The following REV3L variants were observed in gnomAD, a reference collection of about 807,000 sequenced individuals.
REV3L encodes the protein REV3 like, DNA directed polymerase zeta catalytic subunit.
A neutral mutation model predicts 299.4 loss-of-function variants in REV3L; 69 were observed. That is an observed-to-expected ratio of 0.23 (90% CI 0.19 to 0.28). REV3L has a LOEUF of 0.28. Ranked by LOEUF, REV3L falls within the 10% of genes least tolerant of loss-of-function variation. The pLI is 1.00. For missense variants in REV3L, 3,128 were observed against 3,693.8 expected, an observed-to-expected ratio of 0.85 and a Z score of 3.97; for synonymous variants, 1,238 against 1,271.4, an observed-to-expected ratio of 0.97 and a Z score of 0.56.
At chr6:111,301,093 C>T (rs1449928887) in intron 31 of REV3L, among the ~76,000 whole-genome samples, 2 of 151,932 alleles carry the variant, frequency 1.3e-5, no homozygotes, top group Non-Finnish European at 2.9e-5. Flanking sequence ...AATGGCCACT[C>T]TGGGAGTGTC....
chr6:111,333,046 G>C, intron 23 of REV3L, 77 bp downstream of exon 23: 1 of 1,538,804 alleles, frequency 6.5e-7, no homozygotes, highest in Non-Finnish European at 8.8e-7. Flanking sequence ...AGAGCAAAGA[G>C]ACACTCAGAA....
Position 111,374,398 on chromosome 6 carries a change from A to C in REV3L, c.3957T>G (p.His1319Gln). 1 of 1,614,002 alleles carries C rather than the reference A, an allele frequency of 6.2e-7. No homozygotes were observed. The highest frequency in any genetic ancestry group is 8.5e-7 in the Non-Finnish European group (1 of 1,179,916). ...QTFPSSRDDLHPSVVCNSIGP... is the reference protein window; with the variant it reads ...QTFPSSRDDLQPSVVCNSIGP... ...CTATAGAATTACAAACAACTGATGG[A>C]TGCAAATCATCTCGTGAACTGGGGA... is the stretch of plus-strand genomic sequence containing the variant. The change falls in exon 13 of 32, where the codon CAT becomes CAG. Residue 1319 changes from histidine to glutamine, a missense_variant. His to Gln is a conservative substitution (Grantham distance 24). This residue lies in a region of REV3L where 2,409 missense variants were observed against 2,611.8 expected (regional missense o/e 0.92). Transcript: ENST00000368802.
At chr6:111,407,368 A>G (rs1047151959) in intron 3 of REV3L, among the ~76,000 whole-genome samples, 9 of 152,220 alleles carry the variant, frequency 5.9e-5, no homozygotes, top group African/African-American at 1.9e-4. Context: ...GTAAAGATGA[A>G]AGTCTAAGGC....
At chr6:111,480,384 G>C (rs1279873509) in intron 1 of REV3L, among the ~76,000 whole-genome samples, 1 of 152,040 alleles carries the variant, frequency 6.6e-6, no homozygotes, top group African/African-American at 2.4e-5. Flanking sequence ...CTAGCATTCA[G>C]AGTTTTACTA....
At chr6:111,364,165 G>T (rs780048994) in intron 15 of REV3L, among the ~76,000 whole-genome samples, 187 bp from the exon 16 acceptor site, 2 of 152,084 alleles carry the variant, frequency 1.3e-5, no homozygotes, top group Admixed American at 6.6e-5. Context: ...AAAGATATCA[G>T]AACTGGATAC....
intron 13 of REV3L, among the ~76,000 whole-genome samples, chr6:111,371,860 G>C (rs1435749339): frequency 6.6e-6 from 1 of 151,630 alleles, no homozygotes; most frequent in Admixed American, 6.6e-5. Flanking sequence ...CACTGTGCCC[G>C]GCCTAATTTT....
chr6:111,439,424 C>T (rs1455191379), intron 1 of REV3L, among the ~76,000 whole-genome samples: 1 of 152,130 alleles, frequency 6.6e-6, no homozygotes, highest in Non-Finnish European at 1.5e-5. Context: ...CAGAAGTAGA[C>T]AACAACCAAT....
intron 28 of REV3L, chr6:111,313,026 T>G (rs1034048568): frequency 1.0e-5 from 2 of 190,546 alleles, no homozygotes; most frequent in African/African-American, 2.3e-5. Flanking sequence ...AAATAAATTG[T>G]TTTTATTAGA....
chr6:111,384,688 T>C (rs554144900), intron 9 of REV3L, among the ~76,000 whole-genome samples: 1 of 152,254 alleles, frequency 6.6e-6, no homozygotes, highest in South Asian at 2.1e-4. Context: ...AGTATGAAGG[T>C]TCCTTAATAA....
At position 111,375,427 on chromosome 6, in the gene REV3L, T is replaced by C. The variant is rs373506261; in HGVS notation, c.2928A>G (p.Ile976Met). 1 of 1,599,768 alleles carries C rather than the reference T, an allele frequency of 6.3e-7. No homozygotes were observed. The highest frequency in any genetic ancestry group is 1.4e-5 in the African/African-American group (1 of 73,814). The change falls in exon 13 of 32, where the codon ATA (isoleucine) becomes ATG (methionine). Residue 976 changes from isoleucine (I) to methionine (M), a missense_variant. Around this residue, in one of 9 missense-constraint regions of REV3L, gnomAD observed 2,409 missense variants for 2,611.8 expected, o/e 0.92. Transcript: ENST00000368802. Reference sequence around the variant, plus strand: ...TAAATCTATTAATAATAATATACTTTATGATGACAGGGGGCAGCTTTTTAG... The same window carrying C: ...TAAATCTATTAATAATAATATACTTCATGATGACAGGGGGCAGCTTTTTAG... ...KMSKKLPPVI[I>M]KYIIINRFRG...
At chr6:111,322,904 C>G (rs1774342363) in intron 25 of REV3L, among the ~76,000 whole-genome samples, 2 of 152,094 alleles carry the variant, frequency 1.3e-5, no homozygotes, top group South Asian at 4.1e-4. Context: ...ACAAACTTGT[C>G]TTTGAGTATA....
chr6:111,305,227 C>T (rs1772142106), intron 31 of REV3L, among the ~76,000 whole-genome samples: 1 of 152,162 alleles, frequency 6.6e-6, no homozygotes, highest in Admixed American at 6.5e-5. Context: ...TAGGCATGAG[C>T]CACCACGCCC....
chr6:111,363,288 A>C (rs776990032), intron 16 of REV3L, among the ~76,000 whole-genome samples: 6 of 152,038 alleles, frequency 3.9e-5, no homozygotes, highest in Non-Finnish European at 8.8e-5. Context: ...CCCAAAATAC[A>C]GACTTACTTC....
At chr6:111,419,556 C>A (rs536208044) in intron 1 of REV3L, among the ~76,000 whole-genome samples, 2 of 152,130 alleles carry the variant, frequency 1.3e-5, no homozygotes, top group Admixed American at 1.3e-4. Flanking sequence ...ACTACAACTC[C>A]CGTTAGTTAG....
At chr6:111,334,010 C>G (rs1775665211) in intron 22 of REV3L, among the ~76,000 whole-genome samples, 1 of 152,128 alleles carries the variant, frequency 6.6e-6, no homozygotes, top group Non-Finnish European at 1.5e-5. Flanking sequence ...AAAATCTCGG[C>G]TCACTGCAAC....
intron 1 of REV3L, among the ~76,000 whole-genome samples, chr6:111,448,619 C>G (rs1025019980): frequency 6.6e-6 from 1 of 151,730 alleles, no homozygotes; most frequent in South Asian, 2.1e-4. Context: ...GCCACTGTGC[C>G]TGGCCATTTT....
chr6:111,481,612 T>C (rs1486294020), intron 1 of REV3L, among the ~76,000 whole-genome samples: 1 of 152,198 alleles, frequency 6.6e-6, no homozygotes, highest in Non-Finnish European at 1.5e-5. Flanking sequence ...AGTAATAAGA[T>C]GAATGGTGAT....
chr6:111,336,804 T>A (rs1420700377), intron 21 of REV3L, among the ~76,000 whole-genome samples: 1 of 152,156 alleles, frequency 6.6e-6, no homozygotes, highest in Non-Finnish European at 1.5e-5. Flanking sequence ...AGAAATAAAA[T>A]GCAGTATATA....
intron 18 of REV3L, among the ~76,000 whole-genome samples, chr6:111,355,422 C>A (rs1285251515): frequency 2.6e-5 from 4 of 152,042 alleles, no homozygotes; most frequent in Non-Finnish European, 4.4e-5. Context: ...AGTAGGTACA[C>A]AACAAATAGG....
Sources: gnomAD v4.1 joint callset for allele counts (sites outside exome capture counted in the v4.1 genomes callset) on GRCh38, gnomAD v4.1.1 for gene constraint, gnomAD v4.1.1 regional missense constraint, MANE v1.5 for transcripts, NCBI Gene and HGNC (gene_info 2026-07-23, HGNC 2026-07-21) for gene names.